The following SFMBT2 variants were observed in gnomAD, a reference collection of about 807,000 sequenced individuals.
SFMBT2 encodes the protein scm-like with four MBT domains protein 2.
A neutral mutation model predicts 110.1 loss-of-function variants in SFMBT2; 38 were observed. That is an observed-to-expected ratio of 0.35 (90% CI 0.27 to 0.45). SFMBT2 has a LOEUF of 0.45. Ranked by LOEUF, SFMBT2 falls within the 20% of genes least tolerant of loss-of-function variation. The probability of loss-of-function intolerance (pLI) is 1.00; values close to 1 mark genes in which losing one functional copy is unlikely to be tolerated. For synonymous variants in SFMBT2, 425 were observed against 425.4 expected, an observed-to-expected ratio of 1.00 and a Z score of 0.01; for missense variants, 1,011 against 1,094.9, an observed-to-expected ratio of 0.92 and a Z score of 1.08.
At chr10:7,359,439 C>T (rs774417619) in intron 4 of SFMBT2, among the ~76,000 whole-genome samples, 16 of 152,198 alleles carry the variant, frequency 1.1e-4, no homozygotes, top group South Asian at 2.1e-4. Flanking sequence ...AAATGAGCCA[C>T]GAGGCCATGG....
intron 5 of SFMBT2, 104 bp from the exon 6 acceptor site, chr10:7,284,254 G>T: frequency 6.6e-7 from 1 of 1,523,938 alleles, no homozygotes; most frequent in South Asian, 1.3e-5. Context: ...ATCATCCAAG[G>T]TACTGGCGAA....
At chr10:7,333,511 G>A (rs1325066858) in intron 4 of SFMBT2, among the ~76,000 whole-genome samples, 2 of 150,936 alleles carry the variant, frequency 1.3e-5, no homozygotes, top group Non-Finnish European at 2.9e-5. Context: ...TCTTGCCTCA[G>A]CCTCCCGAGT....
At chr10:7,212,318 A>G (rs1342314104) in intron 11 of SFMBT2, among the ~76,000 whole-genome samples, 2 of 152,242 alleles carry the variant, frequency 1.3e-5, no homozygotes, top group Non-Finnish European at 2.9e-5. Context: ...TCGCTATTTC[A>G]TTTAGGAATA....
intron 4 of SFMBT2, among the ~76,000 whole-genome samples, chr10:7,323,646 G>C (rs1248479465): frequency 6.6e-6 from 1 of 152,002 alleles, no homozygotes. Flanking sequence ...GTGCTGTGCA[G>C]ATTTTTTTAA....
At chr10:7,271,682 A>G (rs578219040) in intron 7 of SFMBT2, among the ~76,000 whole-genome samples, 6 of 152,312 alleles carry the variant, frequency 3.9e-5, no homozygotes, top group South Asian at 4.1e-4. Flanking sequence ...ACTGATAAAG[A>G]TGTACCCGAG....
At chr10:7,190,248 A>C (rs1273097231) in intron 15 of SFMBT2, among the ~76,000 whole-genome samples, 2 of 152,212 alleles carry the variant, frequency 1.3e-5, no homozygotes, top group Non-Finnish European at 2.9e-5. Flanking sequence ...GTTTACTGTC[A>C]GTACAATTTA....
chr10:7,243,667 G>T lies in SFMBT2; in HGVS notation c.1011C>A (p.Asp337Glu). 2.3e-6 allele frequency: 2 copies of T among 872,594 alleles called. No homozygotes were observed. 54.1% of individuals were successfully genotyped at this position (872,594 alleles called of 1,614,324 possible). A position where few individuals can be genotyped will look rare whatever the true frequency, so the allele number is the denominator to read the frequency against. The change falls in exon 9 of 21, where the codon GAC becomes GAA. Residue 337 changes from aspartate to glutamate, a missense_variant. By Grantham distance (45) the Asp-to-Glu change is conservative. Transcript: ENST00000397167. ...NNHFFQVTIDDLRPEPSKLSM... is the reference protein window; with the variant it reads ...NNHFFQVTIDELRPEPSKLSM... ...ACAGTTTACTTGGTTCAGGTCTTAG[G>T]TCATCAATAGTCACTTGAAAAAAGT...
intron 1 of SFMBT2, among the ~76,000 whole-genome samples, chr10:7,395,912 G>C (rs1291574530): frequency 6.6e-6 from 1 of 152,118 alleles, no homozygotes; most frequent in Non-Finnish European, 1.5e-5. Context: ...ATTCGTAGAT[G>C]TTTGCTGATG....
chr10:7,306,969 C>T (rs190166831), intron 4 of SFMBT2, among the ~76,000 whole-genome samples: 1 of 152,272 alleles, frequency 6.6e-6, no homozygotes, highest in East Asian at 1.9e-4. Context: ...CAAAGCATCC[C>T]TGATAACCAT....
intron 4 of SFMBT2, among the ~76,000 whole-genome samples, chr10:7,319,664 GAGAGAC>G (rs1415933600): frequency 2.0e-5 from 3 of 149,900 alleles, no homozygotes; most frequent in Admixed American, 6.6e-5. Flanking sequence ...GAGAGAGAGA[GAGAGAC>G]AGAGAGAGAC....
chr10:7,161,984 G>A lies in SFMBT2; in HGVS notation c.*1786C>T, dbSNP rs1210772492. ...TGCTTCCAGTGTCTGCTTGGGAACT[G>A]TGGGAGGGTTTGGTTTCCTTGCATA... On this transcript the variant is annotated 3_prime_UTR_variant, in exon 21 of 21. Coordinates refer to ENST00000397167, the MANE Select transcript of SFMBT2 (RefSeq NM_001387889.1). 5 of 152,398 alleles carry A rather than the reference G, an allele frequency of 3.3e-5. No homozygotes were observed. In the East Asian group the frequency reaches 9.6e-4, roughly 29 times the overall value. 9.4% of individuals were successfully genotyped at this position (152,398 alleles called of 1,614,324 possible).
At chr10:7,207,557 GGAGA>G (rs1252245972) in intron 11 of SFMBT2, 41 of 866,050 alleles carry the variant, frequency 4.7e-5, no homozygotes, top group Non-Finnish European at 5.5e-5. Context: ...AAGAAGGGAA[GGAGA>G]GAGAAAAGAA....
At chr10:7,393,594 GGCT>G (rs1380607686) in intron 1 of SFMBT2, among the ~76,000 whole-genome samples, 1 of 152,180 alleles carries the variant, frequency 6.6e-6, no homozygotes, top group African/African-American at 2.4e-5. Flanking sequence ...CTGTGGCAGA[GGCT>G]GCTAACTCCA....
chr10:7,323,558 A>G (rs1038203762), intron 4 of SFMBT2, among the ~76,000 whole-genome samples: 1 of 151,756 alleles, frequency 6.6e-6, no homozygotes, highest in Non-Finnish European at 1.5e-5. Flanking sequence ...GAGCCCCAAT[A>G]TTACATGGGG....
At chr10:7,264,243 C>G (rs1032062870) in intron 7 of SFMBT2, 7 of 243,980 alleles carry the variant, frequency 2.9e-5, no homozygotes, top group Non-Finnish European at 4.6e-5. Context: ...ATTTCAGGTA[C>G]AGTTTCAGAC....
At chr10:7,315,554 T>C (rs1356258856) in intron 4 of SFMBT2, among the ~76,000 whole-genome samples, 1 of 152,204 alleles carries the variant, frequency 6.6e-6, no homozygotes, top group African/African-American at 2.4e-5. Flanking sequence ...TCTTCCACCA[T>C]CAGCTCTCCT....
intron 2 of SFMBT2, among the ~76,000 whole-genome samples, chr10:7,380,111 A>G (rs1845381408): frequency 6.6e-6 from 1 of 152,236 alleles, no homozygotes; most frequent in Non-Finnish European, 1.5e-5. Flanking sequence ...TTTGAAAAAT[A>G]ACTTCACTCA....
At chr10:7,202,592 G>A in intron 12 of SFMBT2, 70 bp from the exon 13 acceptor site, 1 of 1,611,738 alleles carries the variant, frequency 6.2e-7, no homozygotes, top group Non-Finnish European at 8.5e-7. Context: ...TTAAAAATAG[G>A]TTATAAAGCA....
intron 16 of SFMBT2, 89 bp downstream of exon 16, chr10:7,188,535 G>A (rs1187829376): frequency 1.0e-6 from 1 of 980,934 alleles, no homozygotes; most frequent in Non-Finnish European, 1.6e-6. Flanking sequence ...CATTTCTCAG[G>A]GCTGTGTCAC....
Sources: gnomAD v4.1 joint callset for allele counts (sites outside exome capture counted in the v4.1 genomes callset) on GRCh38, gnomAD v4.1.1 for gene constraint, MANE v1.5 for transcripts, NCBI Gene and HGNC (gene_info 2026-07-23, HGNC 2026-07-21) for gene names.